Variants in TMEM135 observed in about 807,000 individuals in gnomAD.
The protein encoded by TMEM135 is transmembrane protein 135.
TMEM135 carries 30 observed loss-of-function variants against 60.3 expected under a neutral mutation model. The ratio of observed to expected loss-of-function variants is 0.50; its 90% CI spans 0.37 to 0.68. The LOEUF (loss-of-function observed/expected upper bound fraction) is 0.68. Among genes scored for constraint, TMEM135 ranks in the 30% least tolerant of loss-of-function variants. The pLI, the probability that TMEM135 is intolerant of heterozygous loss-of-function variation, is 0.00. For synonymous variants in TMEM135, 190 were observed against 186.7 expected (o/e 1.02, Z -0.14); for missense variants, 468 against 548.8 (o/e 0.85, Z 1.47).
chr11:87,055,671 A>C (rs758919774), intron 1 of TMEM135, among the ~76,000 whole-genome samples: 2 of 151,814 alleles, frequency 1.3e-5, no homozygotes, highest in African/African-American at 4.8e-5. Context: ...GCTCACGCCA[A>C]CCTCCGCCTC....
At chr11:87,069,349 C>T (rs1041320153) in intron 2 of TMEM135, among the ~76,000 whole-genome samples, 4 of 147,198 alleles carry the variant, frequency 2.7e-5, no homozygotes, top group African/African-American at 7.6e-5. Context: ...AAAAAAATTG[C>T]AGTTAAGTAT....
rs540768539 is a variant in TMEM135 at position 87,258,670 on chromosome 11, T to C, written c.509+21986T>C. Among the ~76,000 whole-genome samples, 211 of 152,164 alleles carry C rather than the reference T, an allele frequency of 1.4e-3. 1 individual carries two copies. Among genetic ancestry groups the C allele is most frequent in the African/African-American group, 4.5e-3 (188 of 41,522 alleles). ...TGAAGACTGAAGTAAGTCAGGATAGTGTGGAGGGCACAGTTGCAATTAAGT... is the reference window on the plus strand; with the variant it reads ...TGAAGACTGAAGTAAGTCAGGATAGCGTGGAGGGCACAGTTGCAATTAAGT... On this transcript the variant is annotated intron_variant, in intron 6 of 14. Coordinates refer to ENST00000305494, the MANE Select transcript of TMEM135 (RefSeq NM_022918.4).
At chr11:87,070,319 GA>G (rs1231009417) in intron 2 of TMEM135, among the ~76,000 whole-genome samples, 1 of 151,388 alleles carries the variant, frequency 6.6e-6, no homozygotes, top group Admixed American at 6.6e-5. Flanking sequence ...TGTTTTCAAG[GA>G]AAAAAAACTT....
intron 5 of TMEM135, among the ~76,000 whole-genome samples, chr11:87,182,016 ATATTCT>A (rs1444472468): frequency 6.6e-6 from 1 of 151,470 alleles, no homozygotes; most frequent in Non-Finnish European, 1.5e-5. Flanking sequence ...GTAAGCCTTA[ATATTCT>A]TATTAAAGTG....
At chr11:87,174,927 A>G (rs1391319254) in intron 5 of TMEM135, among the ~76,000 whole-genome samples, 2 of 152,154 alleles carry the variant, frequency 1.3e-5, no homozygotes, top group East Asian at 3.8e-4. Context: ...GGTGGGAAGA[A>G]ATTAGTTTTG....
At chr11:87,250,595 T>C (rs763891848) in intron 6 of TMEM135, among the ~76,000 whole-genome samples, 2 of 152,106 alleles carry the variant, frequency 1.3e-5, no homozygotes, top group Non-Finnish European at 2.9e-5. Flanking sequence ...TCCTTTGTTA[T>C]TGACTTCTAA....
rs576246336 is a variant in TMEM135 at position 87,327,238 on chromosome 11, A to G, written c.*5905A>G. 220 of 454,090 alleles carry G rather than the reference A, an allele frequency of 4.8e-4. 1 individual carries two copies. Among genetic ancestry groups the G allele is most frequent in the South Asian group, 3.2e-3 (205 of 64,472 alleles). 28.1% of individuals were successfully genotyped at this position (454,090 alleles called of 1,614,324 possible). ...AAAATCTTCCCTCTCTGCTTAAAGG[A>G]AAGTTCTTTTTACCTCTTTTTCTCT... On this transcript the variant is annotated 3_prime_UTR_variant, in exon 15 of 15. Coordinates refer to ENST00000305494, the MANE Select transcript of TMEM135 (RefSeq NM_022918.4).
intron 7 of TMEM135, 108 bp downstream of exon 7, chr11:87,295,931 T>C (rs1942340362): frequency 4.3e-6 from 4 of 922,072 alleles, no homozygotes; most frequent in Non-Finnish European, 6.7e-6. Context: ...CTGAAAATAA[T>C]TTTAGAATTC....
chr11:87,060,861 C>G (rs1227035698), intron 1 of TMEM135, among the ~76,000 whole-genome samples: 1 of 152,062 alleles, frequency 6.6e-6, no homozygotes, highest in Admixed American at 6.6e-5. Context: ...CCGGGGTGGT[C>G]TCAATCTCCT....
intron 4 of TMEM135, among the ~76,000 whole-genome samples, chr11:87,134,635 C>T (rs932571010): frequency 2.0e-4 from 30 of 152,238 alleles, no homozygotes; most frequent in Admixed American, 2.0e-3. Flanking sequence ...GCATGTGCCA[C>T]CAGGCCTGGC....
chr11:87,256,284 C>T (rs1941527034), intron 6 of TMEM135, among the ~76,000 whole-genome samples: 1 of 152,004 alleles, frequency 6.6e-6, no homozygotes, highest in Non-Finnish European at 1.5e-5. Flanking sequence ...CAACTAATTC[C>T]ACCTCATTTA....
intron 4 of TMEM135, among the ~76,000 whole-genome samples, chr11:87,130,934 CT>C (rs750218106): frequency 2.0e-3 from 280 of 142,326 alleles, no homozygotes; most frequent in Non-Finnish European, 1.9e-3. Flanking sequence ...TTACAGTTTT[CT>C]TTTTTTTTTT....
At chr11:87,120,403 G>A (rs545380054) in intron 4 of TMEM135, among the ~76,000 whole-genome samples, 2 of 150,704 alleles carry the variant, frequency 1.3e-5, no homozygotes, top group East Asian at 3.9e-4. Flanking sequence ...CCACTGTTCT[G>A]GACTACTTTT....
intron 4 of TMEM135, among the ~76,000 whole-genome samples, chr11:87,137,819 C>CAA (rs1938145978): frequency 6.6e-6 from 1 of 152,062 alleles, no homozygotes; most frequent in Non-Finnish European, 1.5e-5. Flanking sequence ...CGTCATGTCA[C>CAA]ATTGGGTAAA....
At chr11:87,257,421 G>T (rs552391961) in intron 6 of TMEM135, among the ~76,000 whole-genome samples, 3 of 151,510 alleles carry the variant, frequency 2.0e-5, no homozygotes, top group Non-Finnish European at 4.4e-5. Context: ...GGGAACTCTG[G>T]GGTTCAGCTG....
intron 12 of TMEM135, among the ~76,000 whole-genome samples, chr11:87,316,089 G>A (rs1199235011): frequency 6.6e-6 from 1 of 151,976 alleles, no homozygotes; most frequent in Non-Finnish European, 1.5e-5. Flanking sequence ...AGGTGCTAGA[G>A]GTTATTTGCT....
chr11:87,054,744 T>C (rs1319560691), intron 1 of TMEM135, among the ~76,000 whole-genome samples: 3 of 152,198 alleles, frequency 2.0e-5, no homozygotes, highest in Non-Finnish European at 4.4e-5. Context: ...AAGGAAGGCT[T>C]ATTCTGATTA....
chr11:87,184,593 G>T (rs1235813240), intron 5 of TMEM135, among the ~76,000 whole-genome samples: 3 of 152,116 alleles, frequency 2.0e-5, no homozygotes, highest in African/African-American at 7.2e-5. Context: ...AAATTGTGTG[G>T]ACTTTATGTG....
chr11:87,039,741 G>A (rs1949734981), intron 1 of TMEM135, among the ~76,000 whole-genome samples: 1 of 152,186 alleles, frequency 6.6e-6, no homozygotes, highest in African/African-American at 2.4e-5. Context: ...GCTGTGAGAG[G>A]ATTATGATAT....
Sources: allele counts gnomAD v4.1 joint callset (sites outside exome capture counted in the v4.1 genomes callset), GRCh38; gene constraint gnomAD v4.1.1; transcripts MANE v1.5; gene names NCBI Gene and HGNC (gene_info 2026-07-23, HGNC 2026-07-21).